Variants in CWF19L1 observed in about 807,000 individuals in gnomAD.
CWF19L1 encodes the protein CWF19-like protein 1.
In CWF19L1, 60 loss-of-function variants were observed where a neutral mutation model predicts 69.7. That is an observed-to-expected ratio of 0.86 (90% confidence interval 0.70 to 1.07). CWF19L1 has a LOEUF of 1.07. Ranked by LOEUF, CWF19L1 falls within the 50% of genes least tolerant of loss-of-function variation. The pLI, the probability that CWF19L1 is intolerant of heterozygous loss-of-function variation, is 0.00. For synonymous variants in CWF19L1, 209 were observed against 222.2 expected (o/e 0.94, Z 0.53); for missense variants, 591 against 638.9 (o/e 0.92, Z 0.81).
intron 7 of CWF19L1, 54 bp downstream of exon 7, chr10:100,250,194 A>T: frequency 8.5e-7 from 1 of 1,183,322 alleles, no homozygotes; most frequent in South Asian, 1.2e-5. Flanking sequence ...CAAGAGATAC[A>T]TTTATCAGGC....
At chr10:100,260,840 C>T in intron 3 of CWF19L1, 126 bp downstream of exon 3, 1 of 678,128 alleles carries the variant, frequency 1.5e-6, no homozygotes, top group Admixed American at 2.9e-5. Context: ...TAATGAAAAG[C>T]AACTTAAATT....
chr10:100,260,167 CAAAAACA>C (rs751103802), intron 4 of CWF19L1, 44 bp downstream of exon 4: 95 of 1,296,426 alleles, frequency 7.3e-5, no homozygotes, highest in South Asian at 2.7e-4. Context: ...GACTCCGTCT[CAAAAACA>C]AAAAACAAAA....
In CWF19L1 at chr10:100,267,619, T is replaced by C. The variant is rs565798516; in HGVS notation, c.-26A>G. The C allele has an allele frequency of 3.7e-6, 6 of 1,614,152 alleles. No homozygotes were observed. Among genetic ancestry groups the C allele is most frequent in the Admixed American group, 3.3e-5 (2 of 60,024 alleles). ...CTGTCCGAATAGTATGGGTTGCGAC[T>C]GCCACCTAAAATTGGGAATGCGAAT... On this transcript the variant is annotated 5_prime_UTR_variant, in exon 1 of 14. Transcript: ENST00000354105.
At chr10:100,249,136 T>C (rs1846934876) in intron 7 of CWF19L1, 1 of 419,566 alleles carries the variant, frequency 2.4e-6, no homozygotes, top group Non-Finnish European at 4.4e-6. Context: ...TTCTTAACAC[T>C]GTCTTCCTTC....
chr10:100,254,885 A>G (rs1847159043), intron 5 of CWF19L1, among the ~76,000 whole-genome samples: 1 of 152,104 alleles, frequency 6.6e-6, no homozygotes. Flanking sequence ...CTACGTAAAG[A>G]GTAATCATGG....
chr10:100,259,750 A>AT lies in CWF19L1; in HGVS notation c.289+467dup, dbSNP rs1337653294. Among the ~76,000 whole-genome samples, 7 of 152,288 alleles carry AT rather than the reference A, an allele frequency of 4.6e-5. 1 individual carries two copies. In the East Asian group the frequency reaches 1.3e-3, roughly 29 times the overall value. On this transcript the variant is annotated intron_variant, in intron 4 of 13. Coordinates refer to ENST00000354105, the MANE Select transcript of CWF19L1 (RefSeq NM_018294.6). ...TTGTCCTAAGGGCACAGCAGCACAT[A>AT]TACAGACTCTGGGAAAAAACCCTCC...
intron 10 of CWF19L1, among the ~76,000 whole-genome samples, chr10:100,242,290 C>T (rs142176013): frequency 1.0e-3 from 157 of 152,324 alleles, no homozygotes; most frequent in African/African-American, 3.6e-3. Flanking sequence ...CATTAGTAAG[C>T]TACACCCTCC....
At chr10:100,248,556 T>G (rs1846910431) in intron 7 of CWF19L1, 1 of 724,866 alleles carries the variant, frequency 1.4e-6, no homozygotes, top group African/African-American at 1.7e-5. Flanking sequence ...GGCCTGTCGC[T>G]AGCCAGCTTC....
At chr10:100,266,251 C>T (rs1304749638) in intron 1 of CWF19L1, among the ~76,000 whole-genome samples, 2 of 150,722 alleles carry the variant, frequency 1.3e-5, no homozygotes, top group Non-Finnish European at 2.9e-5. Context: ...AGATCAGCAG[C>T]ACGATCACAG....
In CWF19L1 at chr10:100,267,623, A is replaced by G. The variant is rs757645883; in HGVS notation, c.-30T>C. The stretch of plus-strand genomic sequence containing the variant: ...CCGAATAGTATGGGTTGCGACTGCC[A>G]CCTAAAATTGGGAATGCGAATCCGC... On this transcript the variant is annotated 5_prime_UTR_variant, in exon 1 of 14. Transcript: ENST00000354105. The G allele has an allele frequency of 1.2e-6, 2 of 1,613,988 alleles. No homozygotes were observed. The highest frequency in any genetic ancestry group is 1.7e-6 in the Non-Finnish European group (2 of 1,179,988).
rs920244324 is a variant in CWF19L1 at position 100,267,609 on chromosome 10, G to A, written c.-16C>T. On this transcript the variant is annotated 5_prime_UTR_variant, in exon 1 of 14. Coordinates refer to ENST00000354105, the MANE Select transcript of CWF19L1 (RefSeq NM_018294.6). ...TCTGTGCCATCTGTCCGAATAGTAT[G>A]GGTTGCGACTGCCACCTAAAATTGG... The A allele has an allele frequency of 2.5e-6, 4 of 1,614,140 alleles. No homozygotes were observed. Among genetic ancestry groups the A allele is most frequent in the Non-Finnish European group, 3.4e-6 (4 of 1,180,018 alleles).
At position 100,265,482 on chromosome 10, in the gene CWF19L1, C is replaced by CTTT. The variant is rs564603256; in HGVS notation, c.23+2086_23+2088dup. On this transcript the variant is annotated intron_variant, in intron 1 of 13. Transcript: ENST00000354105. ...ATAAGTGTCCTACACAGGTTGTGCC[C>CTTT]TTTTTTTTTTTCCTGTATACAGTAT... Among the ~76,000 whole-genome samples the CTTT allele has an allele frequency of 7.0e-5, 10 of 142,158 alleles. 1 individual carries two copies. Among genetic ancestry groups the CTTT allele is most frequent in the East Asian group, 2.0e-4 (1 of 4,920 alleles). The allele number at this position is 142,158 out of a possible 152,430, so 93.3% of individuals were successfully genotyped here.
chr10:100,256,748 G>C (rs373940966), intron 4 of CWF19L1, among the ~76,000 whole-genome samples: 7 of 152,274 alleles, frequency 4.6e-5, no homozygotes, highest in African/African-American at 1.7e-4. Context: ...AATATTACTG[G>C]AAAAAGTTGG....
chr10:100,234,410 ATCT>A (rs1387176581), intron 13 of CWF19L1, among the ~76,000 whole-genome samples: 1 of 152,178 alleles, frequency 6.6e-6, no homozygotes, highest in East Asian at 1.9e-4. Flanking sequence ...CATTCAGAGA[ATCT>A]TCTTTTTGTG....
At chr10:100,258,820 A>G (rs997492685) in intron 4 of CWF19L1, 1 of 152,008 alleles carries the variant, frequency 6.6e-6, no homozygotes, top group Non-Finnish European at 1.5e-5. Flanking sequence ...AAGGAGAGAG[A>G]GGACATTTAC....
chr10:100,264,152 G>A (rs997952285), intron 1 of CWF19L1, among the ~76,000 whole-genome samples: 1 of 152,116 alleles, frequency 6.6e-6, no homozygotes, highest in Non-Finnish European at 1.5e-5. Flanking sequence ...TAAACCTACT[G>A]GGCTGGTGGT....
At chr10:100,244,609 C>A (rs576113544) in intron 9 of CWF19L1, among the ~76,000 whole-genome samples, 22 of 152,306 alleles carry the variant, frequency 1.4e-4, no homozygotes, top group Admixed American at 7.2e-4. Context: ...CCCACCTCGG[C>A]CTCCCAAAGT....
At chr10:100,248,486 T>C in intron 7 of CWF19L1, 2 of 677,772 alleles carry the variant, frequency 3.0e-6, no homozygotes, top group Non-Finnish European at 5.4e-6. Flanking sequence ...GACCATGTAA[T>C]GTGCCAGTCA....
chr10:100,260,112 G>A lies in CWF19L1; in HGVS notation c.289+106C>T, dbSNP rs11190441. 10,164 of 663,650 alleles carry A rather than the reference G, an allele frequency of 0.015. 780 individuals carry two copies. In the African/African-American group the frequency reaches 0.17, roughly 11 times the overall value. The allele number at this position is 663,650 out of a possible 1,614,324, so 41.1% of individuals were successfully genotyped here. ...GAACCCGGGAGGTGGAGGTTACAGT[G>A]AGCCAAGATTGCGCCACTGCACTCC... On this transcript the variant is annotated intron_variant, in intron 4 of 13. Coordinates refer to ENST00000354105, the MANE Select transcript of CWF19L1 (RefSeq NM_018294.6).
Sources: gnomAD v4.1 joint callset for allele counts (sites outside exome capture counted in the v4.1 genomes callset) on GRCh38, gnomAD v4.1.1 for gene constraint, MANE v1.5 for transcripts, NCBI Gene and HGNC (gene_info 2026-07-23, HGNC 2026-07-21) for gene names.